The following ADGRL3 variants were observed in gnomAD, a reference collection of about 807,000 sequenced individuals.
The protein encoded by ADGRL3 is adhesion G protein-coupled receptor L3, also known as calcium-independent alpha-latrotoxin receptor 3.
ADGRL3 carries 62 observed loss-of-function variants against 153.5 expected under a neutral mutation model. That is an observed-to-expected ratio of 0.40 (90% CI 0.33 to 0.50). The LOEUF (loss-of-function observed/expected upper bound fraction) is 0.50. ADGRL3 is among the 20% of genes least tolerant of loss of function. ADGRL3 has a pLI of 0.47. For synonymous variants in ADGRL3, 710 were observed against 672.5 expected (o/e 1.06, Z -0.86); for missense variants, 1,641 against 1,859.4 (o/e 0.88, Z 2.16).
chr4:61,698,161 A>C (rs1327127340), intron 6 of ADGRL3, among the ~76,000 whole-genome samples: 1 of 152,072 alleles, frequency 6.6e-6, no homozygotes, highest in African/African-American at 2.4e-5. Context: ...TTTGAAAAAA[A>C]ATTACTGAGG....
chr4:61,763,403 C>T (rs916342437), intron 8 of ADGRL3, among the ~76,000 whole-genome samples: 1 of 151,462 alleles, frequency 6.6e-6, no homozygotes, highest in African/African-American at 2.4e-5. Flanking sequence ...GCAGGCTGGT[C>T]TCCATCTCCT....
At chr4:61,845,784 A>T (rs60571656) in intron 9 of ADGRL3, among the ~76,000 whole-genome samples, 10,350 of 152,182 alleles carry the variant, frequency 0.068, 697 homozygotes, top group African/African-American at 0.17. Context: ...AGTGAGAGAC[A>T]TGGCCATCTG....
chr4:61,354,828 T>C (rs1025214175), intron 1 of ADGRL3, among the ~76,000 whole-genome samples: 2 of 152,230 alleles, frequency 1.3e-5, no homozygotes, highest in East Asian at 1.9e-4. Context: ...AAGCTTCTAG[T>C]GTTCACCTTG....
intron 1 of ADGRL3, among the ~76,000 whole-genome samples, chr4:61,243,827 C>T (rs1415334718): frequency 1.3e-5 from 2 of 151,960 alleles, no homozygotes; most frequent in East Asian, 1.9e-4. Context: ...TTAATACGGT[C>T]ATCATAAAAT....
At chr4:61,860,364 A>G (rs2098328015) in intron 9 of ADGRL3, among the ~76,000 whole-genome samples, 2 of 151,988 alleles carry the variant, frequency 1.3e-5, no homozygotes, top group African/African-American at 2.4e-5. Context: ...AAGCCCTTTT[A>G]CTTAACTAGC....
chr4:61,460,939 A>G (rs1238540362), intron 2 of ADGRL3, among the ~76,000 whole-genome samples: 2 of 151,966 alleles, frequency 1.3e-5, no homozygotes, highest in Admixed American at 6.6e-5. Context: ...GCGCGGTGGC[A>G]GGCACCTGTA....
At chr4:61,461,574 T>C (rs991388212) in intron 2 of ADGRL3, among the ~76,000 whole-genome samples, 1 of 152,176 alleles carries the variant, frequency 6.6e-6, no homozygotes, top group African/African-American at 2.4e-5. Flanking sequence ...AAATATATCT[T>C]AAAGAAAAAT....
chr4:61,343,511 T>G (rs1036640230), intron 1 of ADGRL3, among the ~76,000 whole-genome samples: 1 of 152,180 alleles, frequency 6.6e-6, no homozygotes. Flanking sequence ...GTTCAGGCTC[T>G]GGTCCTGTCT....
chr4:61,509,887 G>A (rs2098453947), intron 3 of ADGRL3, among the ~76,000 whole-genome samples: 1 of 152,158 alleles, frequency 6.6e-6, no homozygotes, highest in African/African-American at 2.4e-5. Context: ...TCCACCAACA[G>A]TATGTAAGCA....
chr4:61,455,677 ATAAT>A (rs977638826), intron 2 of ADGRL3, among the ~76,000 whole-genome samples: 6 of 152,046 alleles, frequency 3.9e-5, no homozygotes, highest in Admixed American at 1.3e-4. Context: ...TGGGAAGTAG[ATAAT>A]TAAATAAATA....
chr4:61,770,908 G>A (rs2097077381), intron 8 of ADGRL3, among the ~76,000 whole-genome samples: 1 of 152,114 alleles, frequency 6.6e-6, no homozygotes, highest in African/African-American at 2.4e-5. Flanking sequence ...GTGATGCGGG[G>A]TTTTTCCTCC....
At chr4:61,476,736 A>C (rs970082888) in intron 2 of ADGRL3, among the ~76,000 whole-genome samples, 6 of 146,260 alleles carry the variant, frequency 4.1e-5, no homozygotes, top group Admixed American at 2.0e-4. Context: ...AAAAAAAAAA[A>C]AACAAAAAAA....
At chr4:61,457,851 C>CAGAG (rs2097770545) in intron 2 of ADGRL3, among the ~76,000 whole-genome samples, 1 of 146,060 alleles carries the variant, frequency 6.8e-6, no homozygotes, top group African/African-American at 2.5e-5. Flanking sequence ...TCACAGATGA[C>CAGAG]AGATAGATAG....
intron 25 of ADGRL3, 121 bp downstream of exon 25, chr4:62,044,670 T>C: frequency 3.2e-6 from 2 of 615,804 alleles, no homozygotes; most frequent in Non-Finnish European, 5.5e-6. Flanking sequence ...TGTAAGAACA[T>C]AAAACTTGGT....
chr4:61,697,110 A>G (rs766041650), intron 6 of ADGRL3, among the ~76,000 whole-genome samples: 33 of 152,164 alleles, frequency 2.2e-4, no homozygotes, highest in Non-Finnish European at 4.0e-4. Context: ...ATTAAATACA[A>G]AGGTAACCTC....
chr4:61,595,369 C>A lies in ADGRL3; in HGVS notation c.473+7929C>A, dbSNP rs1030434690. ...TTTCAGGGCCCAAGCGTTCTTTAGT[C>A]AGCAGGTAATAAGTCCTTCCAGGAC... is the stretch of plus-strand genomic sequence containing the variant. On this transcript the variant is annotated intron_variant, in intron 5 of 26. Coordinates refer to ENST00000683033, the MANE Select transcript of ADGRL3 (RefSeq NM_001387552.1). Among the ~76,000 whole-genome samples, 13 of 152,216 alleles carry A rather than the reference C, an allele frequency of 8.5e-5. No homozygotes were observed. The East Asian group carries it at 2.5e-3, about 30-fold the overall frequency.
intron 5 of ADGRL3, among the ~76,000 whole-genome samples, chr4:61,591,533 T>C (rs959027588): frequency 1.3e-5 from 2 of 152,114 alleles, no homozygotes; most frequent in African/African-American, 4.8e-5. Context: ...GGGTACAATA[T>C]AGAAAAAATA....
chr4:61,999,921 A>G (rs2099134633), intron 21 of ADGRL3, among the ~76,000 whole-genome samples: 1 of 152,196 alleles, frequency 6.6e-6, no homozygotes, highest in African/African-American at 2.4e-5. Flanking sequence ...CTTAGTTGAG[A>G]TAATAGTCAT....
intron 2 of ADGRL3, among the ~76,000 whole-genome samples, chr4:61,428,620 G>T (rs191422520): frequency 1.3e-5 from 2 of 152,268 alleles, no homozygotes; most frequent in African/African-American, 4.8e-5. Context: ...CCACTTACCG[G>T]CTATGTGATT....
Sources: gnomAD v4.1 joint callset for allele counts (sites outside exome capture counted in the v4.1 genomes callset) on GRCh38, gnomAD v4.1.1 for gene constraint, MANE v1.5 for transcripts, NCBI Gene and HGNC (gene_info 2026-07-23, HGNC 2026-07-21) for gene names.